The following SLC22A25 variants were observed in gnomAD, a reference collection of about 807,000 sequenced individuals.
The protein encoded by SLC22A25 is solute carrier family 22 member 25, also known as MGI:2442751, MGI:2385316, MGI:3042283, MGI:3645714, MGI:3605624, MGI:2442750.
In SLC22A25, 44 loss-of-function variants were observed where a neutral mutation model predicts 45.9. The ratio of observed to expected loss-of-function variants is 0.96; its 90% CI spans 0.75 to 1.23. The LOEUF is 1.23. Ranked by LOEUF, SLC22A25 falls within the 50% of genes most tolerant of loss-of-function variation. SLC22A25 has a pLI of 0.00. For missense variants in SLC22A25, 800 were observed against 666.4 expected, an observed-to-expected ratio of 1.20 and a Z score of -2.21; for synonymous variants, 283 against 238.6, an observed-to-expected ratio of 1.19 and a Z score of -1.72.
chr11:63,229,080 G>C (rs1160554355), intron 4 of SLC22A25, among the ~76,000 whole-genome samples, 171 bp downstream of exon 4: 4 of 152,148 alleles, frequency 2.6e-5, no homozygotes, highest in African/African-American at 9.7e-5. Context: ...GAATTCATTA[G>C]ACTCATTAAA....
At chr11:63,198,954 G>T (rs1001523383) in intron 7 of SLC22A25, among the ~76,000 whole-genome samples, 9 of 151,762 alleles carry the variant, frequency 5.9e-5, no homozygotes, top group Non-Finnish European at 1.2e-4. Context: ...TCAAAAAGTT[G>T]GAAAGATCTA....
In SLC22A25 at chr11:63,163,948, A is replaced by G. The variant is rs754654765; in HGVS notation, c.1520T>C (p.Leu507Pro). 6.2e-7 allele frequency: 1 copy of G among 1,613,992 alleles called. No homozygotes were observed. Among genetic ancestry groups the G allele is most frequent in the Non-Finnish European group, 8.5e-7 (1 of 1,179,924 alleles). ...PWIIYGVFAI[L>P]SGLVVLLLPE... ...AAGGAGGAGGACAACAAGGCCAGAG[A>G]GGATGGCAAAGACTCCATAGATGAT... The change falls in exon 12 of 12, where the codon CTC (leucine) becomes CCC (proline). Residue 507 changes from leucine (L) to proline (P), a missense_variant. Transcript: ENST00000306494.
intron 7 of SLC22A25, among the ~76,000 whole-genome samples, chr11:63,193,405 A>T (rs1565089320): frequency 6.6e-6 from 1 of 152,222 alleles, no homozygotes; most frequent in African/African-American, 2.4e-5. Context: ...CTGACACCTC[A>T]TACAACTGGG....
chr11:63,177,864 A>AATAT (rs58895817), intron 9 of SLC22A25, among the ~76,000 whole-genome samples: 1,115 of 30,970 alleles, frequency 0.036, 166 homozygotes, highest in Middle Eastern at 0.078. Flanking sequence ...GTATATATAT[A>AATAT]ATATATATAA....
chr11:63,183,913 A>G, intron 7 of SLC22A25, 96 bp from the exon 8 acceptor site: 1 of 1,527,204 alleles, frequency 6.5e-7, no homozygotes, highest in South Asian at 1.2e-5. Context: ...CTAAGCTAAT[A>G]CCCACCTCTT....
At chr11:63,233,892 T>C (rs1238881105) in intron 3 of SLC22A25, among the ~76,000 whole-genome samples, 1 of 152,252 alleles carries the variant, frequency 6.6e-6, no homozygotes, top group Non-Finnish European at 1.5e-5. Context: ...TTTCGTTATG[T>C]ACCCAGTAGT....
chr11:63,233,613 G>A (rs1354048761), intron 3 of SLC22A25, among the ~76,000 whole-genome samples: 2 of 152,014 alleles, frequency 1.3e-5, no homozygotes, highest in Non-Finnish European at 2.9e-5. Context: ...TTTTTTGAAG[G>A]GTTTTTTGTG....
intron 5 of SLC22A25, among the ~76,000 whole-genome samples, chr11:63,223,097 A>C (rs1430884907): frequency 6.6e-6 from 1 of 151,190 alleles, no homozygotes; most frequent in African/African-American, 2.4e-5. Context: ...CTTTTTTTTG[A>C]GGTGTCTTTG....
intron 7 of SLC22A25, 53 bp from the exon 8 acceptor site, chr11:63,183,870 C>T: frequency 6.2e-7 from 1 of 1,608,740 alleles, no homozygotes; most frequent in Non-Finnish European, 8.5e-7. Context: ...CTCATTTTTT[C>T]ACATAACATT....
Position 63,159,998 on chromosome 11 carries a change from A to G in SLC22A25, c.*3826T>C, listed in dbSNP as rs911788842. ...TGTCAGAAGAAATTTTTAAGCAGCAAAGCATTCAAGATGTGACGGGTGCTG... is the reference window on the plus strand; with the variant it reads ...TGTCAGAAGAAATTTTTAAGCAGCAGAGCATTCAAGATGTGACGGGTGCTG... On this transcript the variant is annotated 3_prime_UTR_variant, in exon 12 of 12. Transcript: ENST00000306494. Among the ~76,000 whole-genome samples, 1 of 152,186 alleles carries G rather than the reference A, an allele frequency of 6.6e-6. No homozygotes were observed. Among genetic ancestry groups the G allele is most frequent in the Non-Finnish European group, 1.5e-5 (1 of 68,030 alleles).
At position 63,159,631 on chromosome 11, in the gene SLC22A25, A is replaced by G. The variant is rs1378206656; in HGVS notation, c.*4193T>C. On this transcript the variant is annotated 3_prime_UTR_variant, in exon 12 of 12. Transcript: ENST00000306494. The stretch of plus-strand genomic sequence containing the variant: ...AGCAGCATGAGAAATGGACTAATAT[A>G]GTAAATTGGTACTGATAGAGTGAAG... Among the ~76,000 whole-genome samples the G allele has an allele frequency of 6.6e-6, 1 of 152,212 alleles. No homozygotes were observed. Among genetic ancestry groups the G allele is most frequent in the African/African-American group, 2.4e-5 (1 of 41,452 alleles).
chr11:63,187,961 G>C (rs1024620684), intron 7 of SLC22A25, among the ~76,000 whole-genome samples: 5 of 152,106 alleles, frequency 3.3e-5, no homozygotes, highest in Admixed American at 2.6e-4. Context: ...ATTTTATTGA[G>C]GATTTTTGCA....
At chr11:63,234,912 G>C (rs1051119365) in intron 3 of SLC22A25, among the ~76,000 whole-genome samples, 7 of 152,256 alleles carry the variant, frequency 4.6e-5, no homozygotes, top group African/African-American at 1.4e-4. Flanking sequence ...AGTTTGGCTG[G>C]ATATGAAATT....
At chr11:63,169,018 A>AT (rs1360222429) in intron 9 of SLC22A25, among the ~76,000 whole-genome samples, 1 of 152,234 alleles carries the variant, frequency 6.6e-6, no homozygotes, top group Non-Finnish European at 1.5e-5. Flanking sequence ...AATATTCAAC[A>AT]TTCTTAAAAT....
intron 7 of SLC22A25, among the ~76,000 whole-genome samples, chr11:63,209,300 A>G (rs944019489): frequency 1.3e-5 from 2 of 152,076 alleles, no homozygotes; most frequent in Non-Finnish European, 2.9e-5. Context: ...AAGCAGAGGA[A>G]CCTAAAGCCC....
At chr11:63,206,486 C>A (rs1175099903) in intron 7 of SLC22A25, among the ~76,000 whole-genome samples, 1 of 152,156 alleles carries the variant, frequency 6.6e-6, no homozygotes, top group Non-Finnish European at 1.5e-5. Context: ...TTCCTATACA[C>A]AAATAATAGA....
At chr11:63,205,399 A>G (rs1404322677) in intron 7 of SLC22A25, among the ~76,000 whole-genome samples, 1 of 152,160 alleles carries the variant, frequency 6.6e-6, no homozygotes, top group Non-Finnish European at 1.5e-5. Context: ...AACAAAATAG[A>G]CCGCTAGCAG....
In SLC22A25 at chr11:63,162,918, A is replaced by C. The variant is rs1048330619; in HGVS notation, c.*906T>G. 6.6e-6 allele frequency among the ~76,000 whole-genome samples: 1 copy of C among 152,162 alleles called. No individual in the cohort carries two copies. The highest frequency in any genetic ancestry group is 1.5e-5 in the Non-Finnish European group (1 of 68,042). ...ACCTGGAATTCCTTAAAATTGTGTC[A>C]CTTTGCTGCAGGTATCTTCCTGCCC... On this transcript the variant is annotated 3_prime_UTR_variant, in exon 12 of 12. Transcript: ENST00000306494.
intron 1 of SLC22A25, among the ~76,000 whole-genome samples, chr11:63,241,271 A>G (rs1033457097): frequency 6.6e-6 from 1 of 152,186 alleles, no homozygotes; most frequent in African/African-American, 2.4e-5. Context: ...GCCCTTCAGA[A>G]AAGTCTGGAA....
Sources: gnomAD v4.1 joint callset for allele counts (sites outside exome capture counted in the v4.1 genomes callset) on GRCh38, gnomAD v4.1.1 for gene constraint, MANE v1.5 for transcripts, NCBI Gene and HGNC (gene_info 2026-07-23, HGNC 2026-07-21) for gene names.